GPM6A: variants seen among roughly 807,000 people sequenced by gnomAD.
GPM6A encodes the protein glycoprotein M6A.
Under a neutral mutation model 32.1 loss-of-function variants are expected in GPM6A, and 7 were observed. The ratio of observed to expected loss-of-function variants is 0.22; its 90% confidence interval spans 0.12 to 0.41. The LOEUF is 0.41. Ranked by LOEUF, GPM6A falls within the 10% of genes least tolerant of loss-of-function variation. The pLI, the probability that GPM6A is intolerant of heterozygous loss-of-function variation, is 1.00. For synonymous variants in GPM6A, 130 were observed against 123.4 expected (o/e 1.05, Z -0.35); for missense variants, 235 against 347.2 (o/e 0.68, Z 2.57).
chr4:175,909,052 G>GGGGGAA (rs10679737), intron 1 of GPM6A, among the ~76,000 whole-genome samples: 1 of 78,152 alleles, frequency 1.3e-5, no homozygotes, highest in Non-Finnish European at 2.6e-5. Flanking sequence ...CGGGGGGGGG[G>GGGGGAA]CAACTAGCTC....
chr4:175,809,163 C>G (rs540213500), intron 1 of GPM6A, among the ~76,000 whole-genome samples: 2 of 152,244 alleles, frequency 1.3e-5, no homozygotes, highest in South Asian at 2.1e-4. Flanking sequence ...TAAGATTTGG[C>G]AAAATGTTCT....
chr4:175,718,056 TTTTC>T (rs1398763171), intron 1 of GPM6A, among the ~76,000 whole-genome samples: 2 of 152,202 alleles, frequency 1.3e-5, no homozygotes, highest in Non-Finnish European at 2.9e-5. Flanking sequence ...TATTGAGAAA[TTTTC>T]TTAAAACAAA....
At chr4:175,759,299 G>T (rs1461288194) in intron 1 of GPM6A, among the ~76,000 whole-genome samples, 4 of 151,930 alleles carry the variant, frequency 2.6e-5, no homozygotes, top group African/African-American at 7.3e-5. Flanking sequence ...GAGGAATACG[G>T]GGGGGGCAAG....
intron 2 of GPM6A, among the ~76,000 whole-genome samples, chr4:175,691,326 G>GTAA (rs1744287450): frequency 6.6e-6 from 1 of 152,062 alleles, no homozygotes. Flanking sequence ...CTTCTTAAGG[G>GTAA]ATTAATTCAC....
rs553172709 is a variant in GPM6A, at chr4:175,752,859, T to G, written c.38-51092A>C. Among the ~76,000 whole-genome samples, 90 of 152,198 alleles carry G rather than the reference T, an allele frequency of 5.9e-4. 3 individuals carry two copies. Among genetic ancestry groups the G allele is most frequent in the East Asian group, 1.9e-4 (1 of 5,196 alleles). ...GGCAACAGCTTACTTCATGAAGCTG[T>G]GTTAAGGCTCCATCTGCAGAGAGTG... On this transcript the variant is annotated intron_variant, in intron 1 of 6. Coordinates refer to ENST00000393658, the MANE Select transcript of GPM6A (RefSeq NM_201591.3).
intron 1 of GPM6A, among the ~76,000 whole-genome samples, chr4:175,983,522 A>G (rs1740877197): frequency 6.6e-6 from 1 of 152,062 alleles, no homozygotes; most frequent in Admixed American, 6.5e-5. Flanking sequence ...TGCTTTTTCT[A>G]TGTCTATTGT....
chr4:175,838,046 C>A (rs1424139755), intron 1 of GPM6A, among the ~76,000 whole-genome samples: 1 of 150,944 alleles, frequency 6.6e-6, no homozygotes, highest in Non-Finnish European at 1.5e-5. Context: ...AAGCACCTAC[C>A]ACAGCTCCTA....
At chr4:175,824,342 T>C (rs997880741) in intron 1 of GPM6A, among the ~76,000 whole-genome samples, 2 of 152,132 alleles carry the variant, frequency 1.3e-5, no homozygotes, top group African/African-American at 2.4e-5. Context: ...CTTACAAGTG[T>C]TCTTCACGGT....
At chr4:175,862,727 T>C (rs796901646) in intron 1 of GPM6A, among the ~76,000 whole-genome samples, 1 of 151,676 alleles carries the variant, frequency 6.6e-6, no homozygotes, top group South Asian at 2.1e-4. Flanking sequence ...AGGTTTTATG[T>C]TTTTGTCTTT....
At chr4:175,846,779 G>A (rs1736099954) in intron 1 of GPM6A, among the ~76,000 whole-genome samples, 1 of 152,014 alleles carries the variant, frequency 6.6e-6, no homozygotes, top group South Asian at 2.1e-4. Flanking sequence ...GATATAGAAT[G>A]TAGCAATTAT....
At chr4:175,883,685 C>CT (rs1391098540) in intron 1 of GPM6A, among the ~76,000 whole-genome samples, 2 of 151,824 alleles carry the variant, frequency 1.3e-5, no homozygotes, top group Non-Finnish European at 2.9e-5. Flanking sequence ...CTCTGTTCAT[C>CT]TTTTTTTTAG....
intron 1 of GPM6A, among the ~76,000 whole-genome samples, chr4:175,981,292 T>C (rs1038466011): frequency 7.9e-5 from 12 of 152,162 alleles, no homozygotes; most frequent in African/African-American, 2.9e-4. Flanking sequence ...AGAAAACTCA[T>C]CCTTTTTAGA....
Position 175,640,764 on chromosome 4 carries a change from C to T in GPM6A, c.607G>A (p.Glu203Lys), listed in dbSNP as rs745802213. The change falls in exon 5 of 7, where the codon GAA (glutamate) becomes AAA (lysine). Residue 203 changes from glutamate to lysine, a missense_variant. Coordinates refer to ENST00000393658, the MANE Select transcript of GPM6A (RefSeq NM_201591.3). ...GTAAAAACACTCACCTCAGTAGATT[C>T]GCACATCCTCAAGAAATTCTCAGAG... ...TVSENFLRMC[E>K]STELNMTFHL... 10 of 1,604,830 alleles carry T rather than the reference C, an allele frequency of 6.2e-6. No homozygotes were observed. The highest frequency in any genetic ancestry group is 3.3e-5 in the South Asian group (3 of 90,914).
At chr4:175,827,804 A>C (rs1412527756) in intron 1 of GPM6A, among the ~76,000 whole-genome samples, 1 of 152,166 alleles carries the variant, frequency 6.6e-6, no homozygotes, top group East Asian at 1.9e-4. Context: ...CCTATTCATC[A>C]GGGATTTAGT....
chr4:175,848,646 T>A (rs537101537), intron 1 of GPM6A, among the ~76,000 whole-genome samples: 2 of 152,250 alleles, frequency 1.3e-5, no homozygotes, highest in East Asian at 3.9e-4. Context: ...TCCATTTTGG[T>A]TTCAATCCTG....
At chr4:175,638,680 GCAAA>G (rs1362570324) in intron 6 of GPM6A, among the ~76,000 whole-genome samples, 4 of 151,992 alleles carry the variant, frequency 2.6e-5, no homozygotes, top group African/African-American at 9.7e-5. Context: ...TGTAGCAAAT[GCAAA>G]CAAATATTTA....
intron 1 of GPM6A, among the ~76,000 whole-genome samples, chr4:175,811,364 G>A (rs1734911061): frequency 6.6e-6 from 1 of 152,092 alleles, no homozygotes; most frequent in Non-Finnish European, 1.5e-5. Context: ...CCCGACAGCA[G>A]ACGAGAGAAA....
intron 6 of GPM6A, among the ~76,000 whole-genome samples, chr4:175,637,349 AAATATAT>A (rs1740771395): frequency 1.2e-5 from 1 of 80,986 alleles, no homozygotes; most frequent in Non-Finnish European, 2.1e-5. Flanking sequence ...TATTATATAA[AAATATAT>A]AATATATAAC....
chr4:175,701,903 G>A (rs995880526), intron 1 of GPM6A, 136 bp from the exon 2 acceptor site: 7 of 560,016 alleles, frequency 1.2e-5, no homozygotes, highest in Non-Finnish European at 2.2e-5. Context: ...GTCCTAGAGT[G>A]CATTGAAGGA....
Sources: allele counts gnomAD v4.1 joint callset (sites outside exome capture counted in the v4.1 genomes callset), GRCh38; gene constraint gnomAD v4.1.1; transcripts MANE v1.5; gene names NCBI Gene and HGNC (gene_info 2026-07-23, HGNC 2026-07-21).